The following STK4 variants were observed in gnomAD, a reference collection of about 807,000 sequenced individuals.
The protein encoded by STK4 is serine/threonine-protein kinase 4.
A neutral mutation model predicts 64.9 loss-of-function variants in STK4; 30 were observed. The observed-to-expected ratio is 0.46, with a 90% CI of 0.35 to 0.63. The LOEUF (loss-of-function observed/expected upper bound fraction) is 0.63. STK4 is among the 20% of genes least tolerant of loss of function. The pLI is 0.01. For missense variants in STK4, 466 were observed against 598.5 expected, an observed-to-expected ratio of 0.78 and a Z score of 2.31; for synonymous variants, 177 against 199.0, an observed-to-expected ratio of 0.89 and a Z score of 0.93.
intron 5 of STK4, among the ~76,000 whole-genome samples, chr20:44,994,338 G>A (rs1261169940): frequency 2.0e-5 from 3 of 148,924 alleles, no homozygotes; most frequent in Admixed American, 1.4e-4. Flanking sequence ...TCATATTATT[G>A]GTTATTGTTT....
At chr20:45,036,228 G>C (rs1282355492) in intron 10 of STK4, among the ~76,000 whole-genome samples, 1 of 152,166 alleles carries the variant, frequency 6.6e-6, no homozygotes, top group Admixed American at 6.6e-5. Context: ...TGAGGTTTCA[G>C]TTACCCACTG....
At chr20:45,073,042 C>A (rs926478293) in intron 10 of STK4, among the ~76,000 whole-genome samples, 4 of 152,182 alleles carry the variant, frequency 2.6e-5, no homozygotes, top group African/African-American at 9.7e-5. Flanking sequence ...GGTGAAATTA[C>A]TGTTTAAGGT....
chr20:45,045,010 G>A (rs1036820562), intron 10 of STK4, among the ~76,000 whole-genome samples: 8 of 151,828 alleles, frequency 5.3e-5, no homozygotes, highest in African/African-American at 1.7e-4. Flanking sequence ...GTTTATTTTC[G>A]GTTCATTGTG....
intron 10 of STK4, among the ~76,000 whole-genome samples, chr20:45,065,430 T>TTGG (rs1339721276): frequency 2.0e-5 from 3 of 152,152 alleles, no homozygotes; most frequent in Non-Finnish European, 4.4e-5. Flanking sequence ...TTTTTGTTTT[T>TTGG]TGGTGGTTGT....
chr20:45,055,467 T>G (rs896220819), intron 10 of STK4, among the ~76,000 whole-genome samples: 10 of 152,148 alleles, frequency 6.6e-5, no homozygotes, highest in African/African-American at 2.4e-4. Context: ...TTGCTTTTCA[T>G]TCCTGTTATT....
At chr20:44,979,570 T>C (rs1568684890) in intron 3 of STK4, among the ~76,000 whole-genome samples, 2 of 152,172 alleles carry the variant, frequency 1.3e-5, no homozygotes, top group Admixed American at 1.3e-4. Context: ...TCTAGGGAGC[T>C]GAAGATGGGT....
At position 45,076,772 on chromosome 20, in the gene STK4, TTGC is replaced by T. The variant is rs758090315; in HGVS notation, c.*1598_*1600del. The T allele has an allele frequency of 6.6e-6, 1 of 152,248 alleles. No individual in the cohort carries two copies. Among genetic ancestry groups the T allele is most frequent in the Non-Finnish European group, 1.5e-5 (1 of 68,044 alleles). The allele number at this position is 152,248 out of a possible 1,614,324, so 9.4% of individuals were successfully genotyped here. Reference sequence around the variant, plus strand: ...AGGATACTGTAATTTGACTCCATAATTGCTTTTGCTCCTGAAACCTGGGAATCA... The same window carrying T: ...AGGATACTGTAATTTGACTCCATAATTTTTGCTCCTGAAACCTGGGAATCA... On this transcript the variant is annotated 3_prime_UTR_variant, in exon 11 of 11. Coordinates refer to ENST00000372806, the MANE Select transcript of STK4 (RefSeq NM_006282.5). This position sits in a 1 kb window ranked among gnomAD's most constrained non-coding sequence, Gnocchi z 4.0.
chr20:44,986,473 G>A (rs1473613637), intron 4 of STK4, among the ~76,000 whole-genome samples: 1 of 152,182 alleles, frequency 6.6e-6, no homozygotes, highest in Non-Finnish European at 1.5e-5. Flanking sequence ...TAAAGAGGTA[G>A]CTGAGAGCCA....
At chr20:45,034,515 T>C (rs1479207621) in intron 10 of STK4, among the ~76,000 whole-genome samples, 2 of 152,184 alleles carry the variant, frequency 1.3e-5, no homozygotes, top group African/African-American at 4.8e-5. Flanking sequence ...CATAAAAATA[T>C]GCAAGATACT....
At chr20:45,033,622 G>C (rs138402387) in intron 10 of STK4, among the ~76,000 whole-genome samples, 1 of 152,116 alleles carries the variant, frequency 6.6e-6, no homozygotes, top group African/African-American at 2.4e-5. Flanking sequence ...TGTTGCCCAG[G>C]CTGGAGTAAT....
chr20:45,035,454 T>G (rs2068513116), intron 10 of STK4, among the ~76,000 whole-genome samples: 1 of 152,190 alleles, frequency 6.6e-6, no homozygotes, highest in African/African-American at 2.4e-5. Flanking sequence ...TTGCAAGTAT[T>G]GTTGATTATT....
intron 9 of STK4, among the ~76,000 whole-genome samples, chr20:45,008,321 C>T (rs1458463858): frequency 1.3e-5 from 2 of 152,330 alleles, no homozygotes; most frequent in Non-Finnish European, 2.9e-5. Flanking sequence ...TCCCAAAGTG[C>T]TGGGATTACA....
intron 10 of STK4, among the ~76,000 whole-genome samples, chr20:45,037,438 G>A (rs60410313): frequency 0.028 from 4,271 of 152,154 alleles, 185 homozygotes; most frequent in African/African-American, 0.092. Context: ...AATTAAAAAT[G>A]GAGTCCTAAT....
intron 10 of STK4, among the ~76,000 whole-genome samples, chr20:45,039,282 G>T (rs746646071): frequency 6.6e-6 from 1 of 151,974 alleles, no homozygotes. Flanking sequence ...CAGTTACATG[G>T]ATCTTCTAAA....
intron 10 of STK4, among the ~76,000 whole-genome samples, chr20:45,066,471 G>A (rs1002491047): frequency 6.6e-6 from 1 of 152,214 alleles, no homozygotes; most frequent in Non-Finnish European, 1.5e-5. Context: ...TGTGGACAAA[G>A]TCTTTGGGTT....
chr20:44,993,334 A>G (rs922652830), intron 5 of STK4, among the ~76,000 whole-genome samples: 6 of 152,184 alleles, frequency 3.9e-5, no homozygotes, highest in African/African-American at 1.4e-4. Flanking sequence ...TTGTACTAAT[A>G]TAACTTTATA....
intron 10 of STK4, among the ~76,000 whole-genome samples, chr20:45,035,934 C>T (rs973761423): frequency 6.6e-6 from 1 of 152,132 alleles, no homozygotes; most frequent in African/African-American, 2.4e-5. Flanking sequence ...TTACCTCGCT[C>T]TCAGAACCAT....
chr20:45,057,116 CA>C (rs1978549405), intron 10 of STK4, among the ~76,000 whole-genome samples: 1 of 152,160 alleles, frequency 6.6e-6, no homozygotes, highest in Non-Finnish European at 1.5e-5. Context: ...GCTGAGCTCC[CA>C]AAACGTTAGG....
intron 10 of STK4, among the ~76,000 whole-genome samples, chr20:45,025,914 CT>C (rs1176872939): frequency 6.6e-6 from 1 of 152,188 alleles, no homozygotes. Context: ...ATACTACTGA[CT>C]GGCCTAGAGG....
Sources: gnomAD v4.1 joint callset for allele counts (sites outside exome capture counted in the v4.1 genomes callset) on GRCh38, gnomAD v4.1.1 for gene constraint, Gnocchi (gnomAD v3.1) non-coding constraint, MANE v1.5 for transcripts, NCBI Gene and HGNC (gene_info 2026-07-23, HGNC 2026-07-21) for gene names.